Variants in CTNND2 observed in about 807,000 individuals in gnomAD.
CTNND2 encodes catenin delta 2.
Under a neutral mutation model 144.4 loss-of-function variants are expected in CTNND2, and 22 were observed. The ratio of observed to expected loss-of-function variants is 0.15; its 90% CI spans 0.11 to 0.22. The LOEUF (loss-of-function observed/expected upper bound fraction) is 0.22. CTNND2 is among the 10% of genes least tolerant of loss of function. The pLI is 1.00. For synonymous variants in CTNND2, 751 were observed against 695.6 expected (o/e 1.08, Z -1.25); for missense variants, 1,353 against 1,618.8 (o/e 0.84, Z 2.82).
chr5:11,217,642 T>G (rs1353556485), intron 10 of CTNND2, among the ~76,000 whole-genome samples: 1 of 152,224 alleles, frequency 6.6e-6, no homozygotes, highest in East Asian at 1.9e-4. Context: ...ACCCTTTTTA[T>G]GTCTGTATTT....
chr5:11,842,942 C>G (rs984508302), intron 1 of CTNND2, among the ~76,000 whole-genome samples: 1 of 152,110 alleles, frequency 6.6e-6, no homozygotes, highest in Non-Finnish European at 1.5e-5. Context: ...GGAACAGGTA[C>G]AGCAGTTTTT....
At chr5:11,108,468 C>A (rs1580308094) in intron 14 of CTNND2, among the ~76,000 whole-genome samples, 2 of 152,124 alleles carry the variant, frequency 1.3e-5, no homozygotes, top group South Asian at 2.1e-4. Flanking sequence ...TGAAAAAGAG[C>A]AAAAATATTT....
intron 18 of CTNND2, among the ~76,000 whole-genome samples, chr5:11,014,344 T>G (rs1741389702): frequency 6.6e-6 from 1 of 152,168 alleles, no homozygotes; most frequent in African/African-American, 2.4e-5. Context: ...GTCAAGAACT[T>G]TCCATCTCCT....
rs1253944795 is a variant in CTNND2 at position 11,111,063 on chromosome 5, A to G, written c.2278-20T>C. The G allele has an allele frequency of 6.2e-7, 1 of 1,606,002 alleles. No individual in the cohort carries two copies. The highest frequency in any genetic ancestry group is 1.3e-5 in the African/African-American group (1 of 74,786). ...AACGGTCTGCAGAAAAGGGGGAAAC[A>G]GAGGAAAGAATGAGTAAAACTAGCA... On this transcript the variant is annotated intron_variant, in intron 13 of 21. Transcript: ENST00000304623.
chr5:11,332,376 C>G (rs1753260737), intron 9 of CTNND2, among the ~76,000 whole-genome samples: 2 of 151,982 alleles, frequency 1.3e-5, no homozygotes, highest in African/African-American at 4.8e-5. Context: ...TGCTGCCTCC[C>G]TGGGGATTCA....
intron 1 of CTNND2, among the ~76,000 whole-genome samples, chr5:11,885,419 A>C (rs1215123065): frequency 6.6e-6 from 1 of 152,174 alleles, no homozygotes; most frequent in Non-Finnish European, 1.5e-5. Flanking sequence ...AAGAGAATAC[A>C]CTTTGAGTCA....
intron 3 of CTNND2, among the ~76,000 whole-genome samples, chr5:11,498,927 A>T (rs1410118421): frequency 5.9e-5 from 9 of 152,040 alleles, no homozygotes; most frequent in Non-Finnish European, 8.8e-5. Flanking sequence ...GTTTTTTTTT[A>T]AATGTATTTG....
intron 3 of CTNND2, among the ~76,000 whole-genome samples, chr5:11,553,276 C>T (rs1775926704): frequency 6.6e-6 from 1 of 152,204 alleles, no homozygotes. Flanking sequence ...TTTCTTCCAT[C>T]TCATCTTGTC....
intron 2 of CTNND2, among the ~76,000 whole-genome samples, chr5:11,673,707 T>C (rs1282622589): frequency 9.2e-5 from 14 of 152,154 alleles, no homozygotes; most frequent in African/African-American, 2.9e-4. Context: ...ATTAGAAAGG[T>C]AGCTAATTTT....
chr5:11,195,993 T>C (rs1441003466), intron 11 of CTNND2, among the ~76,000 whole-genome samples: 1 of 152,246 alleles, frequency 6.6e-6, no homozygotes, highest in African/African-American at 2.4e-5. Context: ...TATTCTGCTG[T>C]GAAGAGATAT....
chr5:11,657,622 T>C (rs1782983237), intron 2 of CTNND2, among the ~76,000 whole-genome samples: 1 of 152,152 alleles, frequency 6.6e-6, no homozygotes, highest in African/African-American at 2.4e-5. Context: ...AAACAATTAG[T>C]GACAATCACA....
In CTNND2 at chr5:11,704,545, T is replaced by C. The variant is rs113484942; in HGVS notation, c.174+27591A>G. Among the ~76,000 whole-genome samples, 80 of 152,276 alleles carry C rather than the reference T, an allele frequency of 5.3e-4. 1 individual carries two copies. The highest frequency in any genetic ancestry group is 1.7e-3 in the African/African-American group (72 of 41,570). ...TCAGGAATACAGCTCAAGTTCCAGT[T>C]TCCAGAGGATGTTCTAGCAAACATT... On this transcript the variant is annotated intron_variant, in intron 2 of 21. Coordinates refer to ENST00000304623, the MANE Select transcript of CTNND2 (RefSeq NM_001332.4).
intron 16 of CTNND2, among the ~76,000 whole-genome samples, chr5:11,048,810 GCCAGGTTT>G (rs1745542055): frequency 6.6e-6 from 1 of 152,216 alleles, no homozygotes; most frequent in Non-Finnish European, 1.5e-5. Context: ...GACAGAATTT[GCCAGGTTT>G]CCAGGTCTCC....
intron 3 of CTNND2, among the ~76,000 whole-genome samples, chr5:11,465,873 C>G (rs986316380): frequency 3.9e-5 from 6 of 152,184 alleles, no homozygotes; most frequent in African/African-American, 1.4e-4. Flanking sequence ...CAGTTGAAGA[C>G]AACAGTCAAC....
intron 14 of CTNND2, among the ~76,000 whole-genome samples, chr5:11,102,520 G>A (rs1218125841): frequency 6.6e-6 from 1 of 152,104 alleles, no homozygotes; most frequent in Non-Finnish European, 1.5e-5. Flanking sequence ...TTGATTTTTT[G>A]CCACTCCAAA....
At chr5:11,508,865 C>A (rs140000686) in intron 3 of CTNND2, among the ~76,000 whole-genome samples, 11,158 of 151,470 alleles carry the variant, frequency 0.074, 1,398 homozygotes, top group African/African-American at 0.26. Flanking sequence ...GAGCTGAGAT[C>A]GCACCACTGC....
At chr5:10,991,158 C>G (rs1738631482) in intron 19 of CTNND2, among the ~76,000 whole-genome samples, 1 of 152,200 alleles carries the variant, frequency 6.6e-6, no homozygotes, top group Non-Finnish European at 1.5e-5. Context: ...CTAGAAGGAT[C>G]AGCTTTCACA....
chr5:11,181,612 G>A (rs557154468), intron 11 of CTNND2, among the ~76,000 whole-genome samples: 3 of 152,232 alleles, frequency 2.0e-5, no homozygotes, highest in Non-Finnish European at 4.4e-5. Context: ...AGGATGGTAG[G>A]GAGGGCTGTG....
chr5:11,518,572 G>A (rs1014727242), intron 3 of CTNND2, among the ~76,000 whole-genome samples: 10 of 152,138 alleles, frequency 6.6e-5, no homozygotes, highest in Admixed American at 1.3e-4. Context: ...CATCCACAGC[G>A]ACTTCCAGTC....
Sources: gnomAD v4.1 joint callset for allele counts (sites outside exome capture counted in the v4.1 genomes callset) on GRCh38, gnomAD v4.1.1 for gene constraint, MANE v1.5 for transcripts, NCBI Gene and HGNC (gene_info 2026-07-23, HGNC 2026-07-21) for gene names.